LTBP2: variants seen among roughly 807,000 people sequenced by gnomAD.
LTBP2 encodes latent-transforming growth factor beta-binding protein 2.
In LTBP2, 103 loss-of-function variants were observed where a neutral mutation model predicts 210.6. The ratio of observed to expected loss-of-function variants is 0.49; its 90% CI spans 0.42 to 0.58. LTBP2 has a LOEUF of 0.58. Among genes scored for constraint, LTBP2 ranks in the 20% least tolerant of loss-of-function variants. The pLI is 0.00. For synonymous variants in LTBP2, 1,007 were observed against 1,015.0 expected (o/e 0.99, Z 0.15); for missense variants, 2,313 against 2,494.5 (o/e 0.93, Z 1.55).
intron 8 of LTBP2, among the ~76,000 whole-genome samples, chr14:74,548,540 G>C (rs890115924): frequency 2.0e-5 from 3 of 152,128 alleles, no homozygotes; most frequent in Admixed American, 2.0e-4. Flanking sequence ...AAGTTTCAAG[G>C]GTTCAACGCC....
At position 74,552,995 on chromosome 14, in the gene LTBP2, G is replaced by A. The variant is rs1407631446; in HGVS notation, c.1089C>T (p.Thr363=). Reference sequence around the variant, plus strand: ...TGTTGGCACAGTGTCCACGGGCACAGGTCTGCTTGCAGATGGTGGGAGTGA... The same window carrying A: ...TGTTGGCACAGTGTCCACGGGCACAAGTCTGCTTGCAGATGGTGGGAGTGA... ...IVFTPTICKQ[T]CARGHCANSC... The change falls in exon 5 of 36, where the codon ACC becomes ACT. Residue 363 remains threonine (T), a synonymous_variant. Transcript: ENST00000261978. The A allele has an allele frequency of 6.2e-7, 1 of 1,614,204 alleles. No individual in the cohort carries two copies. Among genetic ancestry groups the A allele is most frequent in the African/African-American group, 1.3e-5 (1 of 75,064 alleles).
chr14:74,576,605 C>G (rs529614672), intron 3 of LTBP2, among the ~76,000 whole-genome samples: 1 of 151,832 alleles, frequency 6.6e-6, no homozygotes, highest in Non-Finnish European at 1.5e-5. Context: ...TCTGGGGTCA[C>G]CACATACAGC....
intron 3 of LTBP2, among the ~76,000 whole-genome samples, chr14:74,577,504 CTTTTTTTTTT>C (rs397948520): frequency 1.5e-5 from 2 of 135,966 alleles, no homozygotes; most frequent in African/African-American, 5.5e-5. Context: ...ACCATTATCT[CTTTTTTTTTT>C]TTTTTTTTTC....
chr14:74,519,757 G>C (rs570238635), intron 17 of LTBP2, among the ~76,000 whole-genome samples: 1 of 152,180 alleles, frequency 6.6e-6, no homozygotes, highest in East Asian at 1.9e-4. Flanking sequence ...AGGCTGGCAC[G>C]GTGGCAGAAA....
At chr14:74,509,939 G>A (rs2087048586) in intron 20 of LTBP2, 80 bp from the exon 21 acceptor site, 10 of 1,611,302 alleles carry the variant, frequency 6.2e-6, no homozygotes, top group South Asian at 1.1e-5. Context: ...AGGGGTGGGG[G>A]AAGGACAGGT....
rs45494592 is a variant in LTBP2 at position 74,549,748 on chromosome 14, C to T, written c.1789+115G>A. ...GCAGGTCTGGGAAGTCTGCAGTTTACCAGCCTGTTCTACCTGCCTGGCCTC... is the reference window on the plus strand; with the variant it reads ...GCAGGTCTGGGAAGTCTGCAGTTTATCAGCCTGTTCTACCTGCCTGGCCTC... On this transcript the variant is annotated intron_variant, in intron 8 of 35. Coordinates refer to ENST00000261978, the MANE Select transcript of LTBP2 (RefSeq NM_000428.3). 3.7e-3 allele frequency: 3,243 copies of T among 880,798 alleles called. 7 individuals are homozygous for T. The highest frequency in any genetic ancestry group is 5.3e-3 in the Non-Finnish European group (2,745 of 513,346). 54.6% of individuals were successfully genotyped at this position (880,798 alleles called of 1,614,324 possible).
At chr14:74,593,629 T>G (rs780679285) in intron 2 of LTBP2, among the ~76,000 whole-genome samples, 1 of 152,148 alleles carries the variant, frequency 6.6e-6, no homozygotes, top group African/African-American at 2.4e-5. Context: ...TCAGATTAAA[T>G]AAAATTTAAA....
At chr14:74,504,951 C>T in intron 29 of LTBP2, 32 bp downstream of exon 29, 4 of 1,274,598 alleles carry the variant, frequency 3.1e-6, no homozygotes, top group Non-Finnish European at 4.5e-6. Context: ...CAGAGCTGAC[C>T]CTTCGAGGAT....
chr14:74,552,504 C>A (rs2087674602), intron 5 of LTBP2, 111 bp from the exon 6 acceptor site: 9 of 990,388 alleles, frequency 9.1e-6, no homozygotes, highest in Non-Finnish European at 1.4e-5. Context: ...CTAGATGGCT[C>A]CTGTAGCCCG....
intron 1 of LTBP2, among the ~76,000 whole-genome samples, chr14:74,607,160 A>G (rs2088538154): frequency 6.6e-6 from 1 of 152,196 alleles, no homozygotes; most frequent in Non-Finnish European, 1.5e-5. Flanking sequence ...TCTGAGTTAC[A>G]TGGTGAGAAA....
intron 9 of LTBP2, 33 bp downstream of exon 9, chr14:74,535,893 C>T: frequency 6.3e-7 from 1 of 1,598,868 alleles, no homozygotes; most frequent in Non-Finnish European, 8.6e-7. Flanking sequence ...GCCCCGGCAT[C>T]CTTGAGCCCA....
intron 3 of LTBP2, among the ~76,000 whole-genome samples, chr14:74,561,064 A>ATC (rs1403870273): frequency 6.6e-6 from 1 of 152,204 alleles, no homozygotes; most frequent in African/African-American, 2.4e-5. Flanking sequence ...TATGCCTGTA[A>ATC]TCCTAGCACT....
At position 74,501,454 on chromosome 14, in the gene LTBP2, G is replaced by T; in HGVS notation, c.5307C>A (p.His1769Gln). 6.2e-7 allele frequency: 1 copy of T among 1,614,160 alleles called. No homozygotes were observed. The highest frequency in any genetic ancestry group is 1.1e-5 in the South Asian group (1 of 91,084). Reference sequence around the variant, plus strand: ...TTCTGCACTTACCTACGCAGGCCATGTGGGCCGCATCCAGCTGGAAGCCCT... The same window carrying T: ...TTCTGCACTTACCTACGCAGGCCATTTGGGCCGCATCCAGCTGGAAGCCCT... Reference protein sequence around the residue: ...CFEGFQLDAAHMACVDVNECD... With the variant: ...CFEGFQLDAAQMACVDVNECD... The change falls in exon 35 of 36, where the codon CAC becomes CAA. Residue 1769 changes from histidine (H) to glutamine (Q), a missense_variant. Physicochemically the swap from His to Gln is conservative, Grantham distance 24 (BLOSUM62 0). Around this residue, in one of 3 missense-constraint regions of LTBP2, gnomAD observed 443 missense variants for 501.4 expected, o/e 0.88. Coordinates refer to ENST00000261978, the MANE Select transcript of LTBP2 (RefSeq NM_000428.3).
intron 2 of LTBP2, among the ~76,000 whole-genome samples, chr14:74,596,377 G>A (rs1462818643): frequency 1.3e-5 from 2 of 152,152 alleles, no homozygotes; most frequent in South Asian, 2.1e-4. Flanking sequence ...AGCAAGAGTG[G>A]CCAGGGCAGC....
In LTBP2 at chr14:74,549,806, G is replaced by A. The variant is rs2087626314; in HGVS notation, c.1789+57C>T. 2.9e-5 allele frequency: 42 copies of A among 1,429,198 alleles called. 1 individual carries two copies. The South Asian group carries it at 4.5e-4, about 15-fold the overall frequency. 88.5% of individuals were successfully genotyped at this position (1,429,198 alleles called of 1,614,324 possible). A position where few individuals can be genotyped will look rare whatever the true frequency, so the allele number is the denominator to read the frequency against. ...CTGGAGGGGAAACCCTGGCAGGAGA[G>A]GGCAGGCCCAGGGAGAGCTTCCTCC... On this transcript the variant is annotated intron_variant, in intron 8 of 35. Transcript: ENST00000261978.
intron 2 of LTBP2, among the ~76,000 whole-genome samples, chr14:74,594,370 C>T (rs1325766012): frequency 2.0e-5 from 3 of 152,152 alleles, no homozygotes; most frequent in East Asian, 3.9e-4. Context: ...CAGTGCCACC[C>T]GCTCTGGTCT....
At chr14:74,547,133 A>G (rs2087587648) in intron 8 of LTBP2, among the ~76,000 whole-genome samples, 2 of 152,244 alleles carry the variant, frequency 1.3e-5, no homozygotes, top group African/African-American at 2.4e-5. Flanking sequence ...CTCCAATCCT[A>G]TAAGTGGCAG....
At chr14:74,558,745 A>G (rs1382696505) in intron 3 of LTBP2, among the ~76,000 whole-genome samples, 1 of 152,236 alleles carries the variant, frequency 6.6e-6, no homozygotes, top group African/African-American at 2.4e-5. Flanking sequence ...CATGGCACCA[A>G]GATCCCAGGG....
intron 3 of LTBP2, among the ~76,000 whole-genome samples, chr14:74,557,485 T>C (rs992485117): frequency 6.6e-6 from 1 of 152,220 alleles, no homozygotes; most frequent in Non-Finnish European, 1.5e-5. Context: ...AAGTGGTACT[T>C]CAATGTTCTT....
Sources: gnomAD v4.1 joint callset for allele counts (sites outside exome capture counted in the v4.1 genomes callset) on GRCh38, gnomAD v4.1.1 for gene constraint, gnomAD v4.1.1 regional missense constraint, MANE v1.5 for transcripts, NCBI Gene and HGNC (gene_info 2026-07-23, HGNC 2026-07-21) for gene names.